The following MEAK7 variants were observed in gnomAD, a reference collection of about 807,000 sequenced individuals.
The protein encoded by MEAK7 is MTOR associated protein MEAK7.
Under a neutral mutation model 40.5 loss-of-function variants are expected in MEAK7, and 68 were observed. The observed-to-expected ratio is 1.68, with a 90% CI of 1.38 to 2.06. The LOEUF (loss-of-function observed/expected upper bound fraction) is 2.06. Ranked by LOEUF, MEAK7 falls within the 30% of genes most tolerant of loss-of-function variation. MEAK7 has a pLI of 0.00. For synonymous variants in MEAK7, 338 were observed against 231.9 expected (o/e 1.46, Z -4.16); for missense variants, 918 against 580.5 (o/e 1.58, Z -5.98).
At chr16:84,498,435 ATTTT>A (rs111992656) in intron 1 of MEAK7, among the ~76,000 whole-genome samples, 1 of 144,780 alleles carries the variant, frequency 6.9e-6, no homozygotes, top group African/African-American at 2.5e-5. Flanking sequence ...TGCCTGGCTA[ATTTT>A]TTTTTTTTTG....
chr16:84,493,619 C>T (rs1000593301), intron 3 of MEAK7, among the ~76,000 whole-genome samples: 1 of 152,154 alleles, frequency 6.6e-6, no homozygotes, highest in African/African-American at 2.4e-5. Context: ...AAATTTAAAA[C>T]ATAATCCCTT....
chr16:84,500,469 T>C (rs7202666), intron 1 of MEAK7, among the ~76,000 whole-genome samples: 65,205 of 151,580 alleles, frequency 0.43, 14,694 homozygotes, highest in East Asian at 0.62. Context: ...GCCTTTTATA[T>C]GACACCCATC....
chr16:84,497,823 G>A (rs1168102580), intron 2 of MEAK7, 111 bp downstream of exon 2: 1 of 1,501,372 alleles, frequency 6.7e-7, no homozygotes, highest in Non-Finnish European at 9.2e-7. Context: ...CAACTTTTCA[G>A]TGTTGCCATC....
rs371341952 is a variant in MEAK7, at chr16:84,479,876, A to G, written c.*37T>C. ...CAGGCGTTGCCCTCTACCCAGAGGA[A>G]TCCAGGTCCTGGCTCCAGGAAGGCT... On this transcript the variant is annotated 3_prime_UTR_variant, in exon 8 of 8. Transcript: ENST00000343629. 9.1e-6 allele frequency: 14 copies of G among 1,533,680 alleles called. No homozygotes were observed. In the African/African-American group the frequency reaches 1.6e-4, roughly 18 times the overall value.
intron 1 of MEAK7, among the ~76,000 whole-genome samples, chr16:84,501,571 G>A (rs112544462): frequency 3.5e-4 from 54 of 152,228 alleles, no homozygotes; most frequent in Middle Eastern, 6.8e-3. Context: ...GCACAGAAGC[G>A]GCGCAGACCA....
In MEAK7 at chr16:84,480,542, G is replaced by A; in HGVS notation, c.1244C>T (p.Ser415Leu). 1 of 1,611,450 alleles carries A rather than the reference G, an allele frequency of 6.2e-7. No individual in the cohort carries two copies. Among genetic ancestry groups the A allele is most frequent in the South Asian group, 1.1e-5 (1 of 90,706 alleles). Reference sequence around the variant, plus strand: ...AGCTCCACTCACCAACTGCTCCTCTGAGGGGTCTCCAACCGCCCACACCTC... The same window carrying A: ...AGCTCCACTCACCAACTGCTCCTCTAAGGGGTCTCCAACCGCCCACACCTC... ...KMEVWAVGDP[S>L]EEQLAKGNKS... The change falls in exon 7 of 8, where the codon TCA (serine) becomes TTA (leucine). Residue 415 changes from serine (S) to leucine (L), a missense_variant. Coordinates refer to ENST00000343629, the MANE Select transcript of MEAK7 (RefSeq NM_020947.4).
chr16:84,496,394 C>T (rs1044344469), intron 2 of MEAK7, among the ~76,000 whole-genome samples: 4 of 152,118 alleles, frequency 2.6e-5, no homozygotes, highest in African/African-American at 9.7e-5. Context: ...ACTTGAGGAC[C>T]TCTTCTTTTG....
chr16:84,502,237 C>T (rs1203513171), intron 1 of MEAK7, among the ~76,000 whole-genome samples: 1 of 151,982 alleles, frequency 6.6e-6, no homozygotes, highest in Non-Finnish European at 1.5e-5. Flanking sequence ...GCAGTTTCGT[C>T]CCCCAGGGGC....
chr16:84,487,153 C>T, intron 4 of MEAK7, 94 bp from the exon 5 acceptor site: 2 of 1,286,188 alleles, frequency 1.6e-6, no homozygotes, highest in South Asian at 1.5e-5. Flanking sequence ...AGCCACGAGT[C>T]ACATGCAATT....
chr16:84,489,407 C>T lies in MEAK7; in HGVS notation c.400G>A (p.Val134Ile), dbSNP rs774810763. 6 of 1,612,008 alleles carry T rather than the reference C, an allele frequency of 3.7e-6. No homozygotes were observed. In the Admixed American group the frequency reaches 1.0e-4, roughly 27 times the overall value. ...REVQKFTEDLVGSVVHVLSHR... is the reference protein window; with the variant it reads ...REVQKFTEDLIGSVVHVLSHR... Reference sequence around the variant, plus strand: ...CTTAGCACGTGCACCACAGAGCCAACCAGATCCTCTGTAAACTGTAAGATC... The same window carrying T: ...CTTAGCACGTGCACCACAGAGCCAATCAGATCCTCTGTAAACTGTAAGATC... Residue 134 changes from valine to isoleucine, a missense_variant, in exon 4 of 8, where the codon GTT becomes ATT. Val to Ile is a conservative substitution (Grantham distance 29). Transcript: ENST00000343629.
Position 84,486,617 on chromosome 16 carries a change from A to T in MEAK7, c.958+14T>A, listed in dbSNP as rs431629. On this transcript the variant is annotated intron_variant, in intron 5 of 7. Transcript: ENST00000343629. ...GCTGTGCCACTCGTCAAGGTTCAGG[A>T]CACCAAGTCTTACCTTGAAACTGAG... 0.51 allele frequency: 804,317 copies of T among 1,583,808 alleles called. 212,429 individuals are homozygous for T. Among genetic ancestry groups the T allele is most frequent in the East Asian group, 0.9 (40,209 of 44,604 alleles).
intron 3 of MEAK7, 148 bp from the exon 4 acceptor site, chr16:84,489,570 G>A (rs916836727): frequency 1.4e-5 from 14 of 966,262 alleles, no homozygotes; most frequent in South Asian, 5.6e-5. Context: ...GTAGTTACTC[G>A]TTTTTCTAAT....
intron 1 of MEAK7, among the ~76,000 whole-genome samples, chr16:84,500,753 A>C (rs1914430701): frequency 6.6e-6 from 1 of 152,144 alleles, no homozygotes; most frequent in Non-Finnish European, 1.5e-5. Flanking sequence ...CCCAGCTCTG[A>C]AACAGAGGGG....
chr16:84,502,749 T>C (rs1472144596), intron 1 of MEAK7: 3 of 152,240 alleles, frequency 2.0e-5, no homozygotes, highest in Non-Finnish European at 2.9e-5. Flanking sequence ...CGTGTGACTA[T>C]AGTTCCAGCT....
chr16:84,499,047 C>T (rs1052025895), intron 1 of MEAK7, among the ~76,000 whole-genome samples: 1 of 152,240 alleles, frequency 6.6e-6, no homozygotes, highest in Non-Finnish European at 1.5e-5. Context: ...CTGCCTGGCA[C>T]TGACCGTGCC....
intron 5 of MEAK7, among the ~76,000 whole-genome samples, chr16:84,485,567 G>C (rs1295230700): frequency 3.9e-5 from 6 of 152,208 alleles, no homozygotes; most frequent in African/African-American, 1.4e-4. Context: ...GGGGATGGTG[G>C]CCCACTCTCA....
chr16:84,480,511 G>C lies in MEAK7; in HGVS notation c.1257+18C>G, dbSNP rs1002964167. On this transcript the variant is annotated intron_variant, in intron 7 of 7. Coordinates refer to ENST00000343629, the MANE Select transcript of MEAK7 (RefSeq NM_020947.4). ...GCTCAAGGGGCCATCCTGGGATGCA[G>C]AGGACAGCTCCACTCACCAACTGCT... is the stretch of plus-strand genomic sequence containing the variant. The C allele has an allele frequency of 3.2e-6, 5 of 1,584,988 alleles. No individual in the cohort carries two copies. The highest frequency in any genetic ancestry group is 2.7e-5 in the African/African-American group (2 of 73,806).
chr16:84,491,620 C>A (rs145819944), intron 3 of MEAK7, among the ~76,000 whole-genome samples: 1 of 149,620 alleles, frequency 6.7e-6, no homozygotes, highest in Non-Finnish European at 1.5e-5. Context: ...AGGTGGATCA[C>A]GAGGTCAGGA....
intron 4 of MEAK7, among the ~76,000 whole-genome samples, chr16:84,488,859 G>C (rs891380290): frequency 1.3e-5 from 2 of 152,130 alleles, no homozygotes; most frequent in Non-Finnish European, 2.9e-5. Flanking sequence ...CAATAACCTA[G>C]TATTCTATCT....
Sources: gnomAD v4.1 joint callset for allele counts (sites outside exome capture counted in the v4.1 genomes callset) on GRCh38, gnomAD v4.1.1 for gene constraint, MANE v1.5 for transcripts, NCBI Gene and HGNC (gene_info 2026-07-23, HGNC 2026-07-21) for gene names.